Variants in RARB observed in about 807,000 individuals in gnomAD.
The protein encoded by RARB is retinoic acid receptor beta.
Under a neutral mutation model 51.9 loss-of-function variants are expected in RARB, and 17 were observed. The ratio of observed to expected loss-of-function variants is 0.33; its 90% CI spans 0.22 to 0.49. The LOEUF is 0.49. Among genes scored for constraint, RARB ranks in the 20% least tolerant of loss-of-function variants. RARB has a pLI of 0.99. For missense variants in RARB, 369 were observed against 550.8 expected, an observed-to-expected ratio of 0.67 and a Z score of 3.30; for synonymous variants, 215 against 195.4, an observed-to-expected ratio of 1.10 and a Z score of -0.84.
At chr3:25,431,598 A>G (rs1210538434) in intron 1 of RARB, among the ~76,000 whole-genome samples, 2 of 152,148 alleles carry the variant, frequency 1.3e-5, no homozygotes, top group African/African-American at 4.8e-5. Flanking sequence ...TGTTTTCAAC[A>G]TTAATTGCTC....
At chr3:25,390,547 A>G (rs571165003) in intron 5 of RARB, among the ~76,000 whole-genome samples, 1 of 152,308 alleles carries the variant, frequency 6.6e-6, no homozygotes, top group African/African-American at 2.4e-5. Context: ...CACCAAAGGT[A>G]GCTGTGTGAA....
At chr3:25,483,291 T>TG (rs1696318153) in intron 2 of RARB, among the ~76,000 whole-genome samples, 1 of 152,198 alleles carries the variant, frequency 6.6e-6, no homozygotes, top group Admixed American at 6.5e-5. Flanking sequence ...AAATTTTAGT[T>TG]GAAAAAATAT....
intron 2 of RARB, among the ~76,000 whole-genome samples, chr3:24,980,759 C>G (rs906509596): frequency 6.6e-6 from 1 of 152,186 alleles, no homozygotes; most frequent in African/African-American, 2.4e-5. Flanking sequence ...CTGAAGCCTA[C>G]TTCTGTCAAC....
chr3:25,076,811 T>TG (rs1023979214), intron 3 of RARB, among the ~76,000 whole-genome samples: 2 of 152,176 alleles, frequency 1.3e-5, no homozygotes, highest in Non-Finnish European at 2.9e-5. Flanking sequence ...AATTACCACA[T>TG]GGAAGAACAA....
intron 5 of RARB, among the ~76,000 whole-genome samples, chr3:25,381,981 C>T (rs1043402742): frequency 7.9e-5 from 12 of 152,272 alleles, no homozygotes; most frequent in African/African-American, 2.9e-4. Context: ...AGCAACACCC[C>T]GAGCCATTGT....
At chr3:25,207,112 T>G (rs914659282) in intron 5 of RARB, among the ~76,000 whole-genome samples, 4 of 152,220 alleles carry the variant, frequency 2.6e-5, no homozygotes, top group Admixed American at 2.6e-4. Context: ...GGTCACATTT[T>G]GAAGCTCAGG....
chr3:24,921,008 G>A (rs1422983648), intron 2 of RARB, among the ~76,000 whole-genome samples: 2 of 151,990 alleles, frequency 1.3e-5, no homozygotes, highest in Admixed American at 1.3e-4. Context: ...ATGTCTTTAG[G>A]TCAAGGCTTA....
chr3:24,879,663 CA>C (rs1319927103), intron 2 of RARB, among the ~76,000 whole-genome samples: 1 of 151,748 alleles, frequency 6.6e-6, no homozygotes, highest in African/African-American at 2.4e-5. Flanking sequence ...ATCTTTTAAA[CA>C]AAAAACCGAA....
chr3:25,415,254 A>T (rs557323197), intron 5 of RARB, among the ~76,000 whole-genome samples: 184 of 152,286 alleles, frequency 1.2e-3, no homozygotes, highest in African/African-American at 4.2e-3. Context: ...TTGGTGCCAT[A>T]TCTAAAAAAT....
At chr3:25,164,485 C>T (rs1199845442) in intron 4 of RARB, among the ~76,000 whole-genome samples, 1 of 152,134 alleles carries the variant, frequency 6.6e-6, no homozygotes, top group South Asian at 2.1e-4. Context: ...ATTTATTTGA[C>T]CACAAATAAC....
At chr3:24,831,976 A>G (rs913512635) in intron 1 of RARB, among the ~76,000 whole-genome samples, 7 of 152,224 alleles carry the variant, frequency 4.6e-5, no homozygotes, top group Admixed American at 4.6e-4. Flanking sequence ...GTTTATTGGA[A>G]GAAGTTCAAA....
intron 1 of RARB, among the ~76,000 whole-genome samples, chr3:24,855,905 C>T (rs1180001816): frequency 3.3e-5 from 5 of 152,020 alleles, no homozygotes; most frequent in African/African-American, 1.2e-4. Flanking sequence ...GCCCCCACCA[C>T]CACGCCCAGC....
At chr3:25,180,711 GA>G (rs1300388837) in intron 5 of RARB, among the ~76,000 whole-genome samples, 1 of 152,120 alleles carries the variant, frequency 6.6e-6, no homozygotes. Context: ...AGTTCCCTCT[GA>G]CATTTGAATG....
At chr3:25,530,562 A>G (rs1431748318) in intron 3 of RARB, among the ~76,000 whole-genome samples, 2 of 152,176 alleles carry the variant, frequency 1.3e-5, no homozygotes. Context: ...GGCCACTTCC[A>G]TCTTCAAAGC....
chr3:25,159,392 C>A (rs923791244), intron 4 of RARB, among the ~76,000 whole-genome samples: 1 of 136,814 alleles, frequency 7.3e-6, no homozygotes, highest in African/African-American at 2.6e-5. Context: ...TGGTCTCGAA[C>A]TCCTGACCTC....
chr3:24,983,324 G>T (rs1435821075), intron 2 of RARB, among the ~76,000 whole-genome samples: 1 of 151,254 alleles, frequency 6.6e-6, no homozygotes, highest in Admixed American at 6.6e-5. Context: ...ATATTTATTA[G>T]CATCTTTCTC....
intron 1 of RARB, among the ~76,000 whole-genome samples, chr3:25,444,503 C>CTTTAA (rs1215478649): frequency 7.8e-4 from 119 of 152,210 alleles, no homozygotes; most frequent in African/African-American, 2.7e-3. Context: ...ACACATCAGG[C>CTTTAA]TTATTATTTA....
intron 1 of RARB, among the ~76,000 whole-genome samples, chr3:24,839,972 C>G (rs1702399007): frequency 6.6e-6 from 1 of 152,102 alleles, no homozygotes. Flanking sequence ...TGGATGGTAT[C>G]ATAGCTGAGA....
intron 2 of RARB, among the ~76,000 whole-genome samples, chr3:25,017,212 T>TC (rs377317400): frequency 0.089 from 12,795 of 143,892 alleles, 2,054 homozygotes; most frequent in African/African-American, 0.33. Context: ...TAACTAGCTT[T>TC]CCCCCCCCCT....
Sources: allele counts gnomAD v4.1 joint callset (sites outside exome capture counted in the v4.1 genomes callset), GRCh38; gene constraint gnomAD v4.1.1; transcripts MANE v1.5; gene names NCBI Gene and HGNC (gene_info 2026-07-23, HGNC 2026-07-21).